Variants in YAP1 observed in about 807,000 individuals in gnomAD.
YAP1 encodes the protein transcriptional coactivator YAP1.
YAP1 carries 5 observed loss-of-function variants against 56.9 expected under a neutral mutation model. That is an observed-to-expected ratio of 0.09 (90% CI 0.05 to 0.18). The LOEUF (loss-of-function observed/expected upper bound fraction) is 0.18. YAP1 is among the 10% of genes least tolerant of loss of function. The pLI, the probability that YAP1 is intolerant of heterozygous loss-of-function variation, is 1.00. For synonymous variants in YAP1, 265 were observed against 248.1 expected, an observed-to-expected ratio of 1.07 and a Z score of -0.64; for missense variants, 539 against 651.8, an observed-to-expected ratio of 0.83 and a Z score of 1.88.
At chr11:102,200,580 C>T (rs1948800950) in intron 4 of YAP1, among the ~76,000 whole-genome samples, 1 of 150,842 alleles carries the variant, frequency 6.6e-6, no homozygotes, top group Admixed American at 6.6e-5. Flanking sequence ...GAGTAGCTGG[C>T]ATTACAGGTG....
At chr11:102,131,337 C>T (rs1258162304) in intron 2 of YAP1, among the ~76,000 whole-genome samples, 2 of 152,164 alleles carry the variant, frequency 1.3e-5, no homozygotes, top group African/African-American at 4.8e-5. Context: ...TTTTATGTAG[C>T]AGGCGTTGTT....
chr11:102,124,274 A>G (rs1943892013), intron 2 of YAP1, among the ~76,000 whole-genome samples: 1 of 152,022 alleles, frequency 6.6e-6, no homozygotes, highest in African/African-American at 2.4e-5. Flanking sequence ...TCTAGCTTCC[A>G]GTTTGCTAAT....
rs181869364 is a variant in YAP1, at chr11:102,115,171, A to G, written c.572+777A>G. On this transcript the variant is annotated intron_variant, in intron 2 of 8. Transcript: ENST00000282441. Reference sequence around the variant, plus strand: ...TTTTCTCTCCTCTGATTTTGAAATTACAGATAAGACCTCAATTTTTTTCTG... The same window carrying G: ...TTTTCTCTCCTCTGATTTTGAAATTGCAGATAAGACCTCAATTTTTTTCTG... Among the ~76,000 whole-genome samples, 233 of 152,354 alleles carry G rather than the reference A, an allele frequency of 1.5e-3. 1 individual carries two copies. Among genetic ancestry groups the G allele is most frequent in the African/African-American group, 5.5e-3 (227 of 41,580 alleles).
At chr11:102,161,693 A>G (rs1422159854) in intron 2 of YAP1, among the ~76,000 whole-genome samples, 1 of 152,178 alleles carries the variant, frequency 6.6e-6, no homozygotes, top group African/African-American at 2.4e-5. Context: ...CTTTCATTGA[A>G]ACAATGAAAC....
At chr11:102,155,152 C>T (rs1591256430) in intron 2 of YAP1, among the ~76,000 whole-genome samples, 1 of 152,216 alleles carries the variant, frequency 6.6e-6, no homozygotes, top group Middle Eastern at 3.4e-3. Context: ...ACTGTCCTGC[C>T]CTCTTTTCTG....
chr11:102,177,954 C>T (rs138977688), intron 3 of YAP1, among the ~76,000 whole-genome samples: 14 of 152,238 alleles, frequency 9.2e-5, no homozygotes, highest in Admixed American at 3.3e-4. Flanking sequence ...TATTCAAGAG[C>T]ATGATTTCTG....
rs76370103 is a variant in YAP1 at position 102,162,730 on chromosome 11, C to T, written c.688+159C>T. On this transcript the variant is annotated intron_variant, in intron 3 of 8. Transcript: ENST00000282441. ...GAAGACATAGTCTATTTTAAAATAACGTAAGCTATATTATTGCCTTGTATA... is the reference window on the plus strand; with the variant it reads ...GAAGACATAGTCTATTTTAAAATAATGTAAGCTATATTATTGCCTTGTATA... 7.5e-3 allele frequency among the ~76,000 whole-genome samples: 1,136 copies of T among 152,278 alleles called. 11 individuals carry two copies. Among genetic ancestry groups the T allele is most frequent in the African/African-American group, 0.026 (1,087 of 41,552 alleles).
At chr11:102,211,766 C>T (rs899098536) in intron 6 of YAP1, among the ~76,000 whole-genome samples, 17 of 151,730 alleles carry the variant, frequency 1.1e-4, no homozygotes, top group Non-Finnish European at 1.9e-4. Flanking sequence ...TGCAGTGGCG[C>T]AATCTCAGCT....
chr11:102,210,332 C>T (rs1437995122), intron 6 of YAP1, among the ~76,000 whole-genome samples: 4 of 152,160 alleles, frequency 2.6e-5, no homozygotes, highest in African/African-American at 9.7e-5. Flanking sequence ...AATGCCTCAC[C>T]TTCTATGTAA....
At chr11:102,161,688 A>G (rs1486176536) in intron 2 of YAP1, among the ~76,000 whole-genome samples, 1 of 152,112 alleles carries the variant, frequency 6.6e-6, no homozygotes, top group East Asian at 1.9e-4. Context: ...TTTTTCTTTC[A>G]TTGAAACAAT....
intron 1 of YAP1, 31 bp from the exon 2 acceptor site, chr11:102,114,113 T>C: frequency 6.4e-7 from 1 of 1,554,390 alleles, no homozygotes; most frequent in East Asian, 2.3e-5. Flanking sequence ...TTTTTTCTTT[T>C]TTAATTTTTC....
chr11:102,144,926 T>TCC (rs1491357587), intron 2 of YAP1, among the ~76,000 whole-genome samples: 5 of 151,888 alleles, frequency 3.3e-5, no homozygotes, highest in Admixed American at 3.3e-4. Context: ...ACTTATTCTG[T>TCC]CTCTCTCTCT....
At chr11:102,147,751 C>T (rs900428281) in intron 2 of YAP1, among the ~76,000 whole-genome samples, 1 of 152,100 alleles carries the variant, frequency 6.6e-6, no homozygotes, top group African/African-American at 2.4e-5. Context: ...ATTAAGTTAT[C>T]TTAAAACCAG....
intron 3 of YAP1, among the ~76,000 whole-genome samples, chr11:102,175,544 A>G (rs751174019): frequency 6.6e-6 from 1 of 152,208 alleles, no homozygotes; most frequent in African/African-American, 2.4e-5. Context: ...AATGACTGGG[A>G]TAAGTTCTGA....
Position 102,229,919 on chromosome 11 carries a change from A to C in YAP1, c.1494A>C (p.Glu498Asp). 1 of 1,614,120 alleles carries C rather than the reference A, an allele frequency of 6.2e-7. No homozygotes were observed. The highest frequency in any genetic ancestry group is 8.5e-7 in the Non-Finnish European group (1 of 1,179,940). The change falls in exon 9 of 9, where the codon GAA becomes GAC. Residue 498 changes from glutamate to aspartate, a missense_variant. This residue lies in a region of YAP1 where 12 missense variants were observed against 31.2 expected (regional missense o/e 0.38). Transcript: ENST00000282441. ...SVLAATKLDK[E>D]SFLTWL ...TGGCTGCCACCAAGCTAGATAAAGAAAGCTTTCTTACATGGTTATAGAGCC... is the reference window on the plus strand; with the variant it reads ...TGGCTGCCACCAAGCTAGATAAAGACAGCTTTCTTACATGGTTATAGAGCC...
intron 1 of YAP1, 93 bp from the exon 2 acceptor site, chr11:102,114,042 GTACTTAGAT>G: frequency 7.8e-7 from 1 of 1,287,806 alleles, no homozygotes; most frequent in Non-Finnish European, 1.0e-6. Context: ...TTTTCCTTTG[GTACTTAGAT>G]ATTCGGCTGC....
chr11:102,151,986 A>C (rs1267687559), intron 2 of YAP1, among the ~76,000 whole-genome samples: 4 of 152,172 alleles, frequency 2.6e-5, no homozygotes. Context: ...AACCTTATTG[A>C]ACACAGCTGT....
intron 3 of YAP1, among the ~76,000 whole-genome samples, chr11:102,176,741 G>A (rs12793501): frequency 0.47 from 32,802 of 69,408 alleles, 5,262 homozygotes; most frequent in East Asian, 0.57. Flanking sequence ...GTAAGACTCC[G>A]TCTCAAAAAA....
chr11:102,166,654 C>T (rs1029837834), intron 3 of YAP1, among the ~76,000 whole-genome samples: 4 of 152,184 alleles, frequency 2.6e-5, no homozygotes, highest in African/African-American at 7.2e-5. Context: ...TCTGCTAACC[C>T]GAAGCCTTCA....
Sources: gnomAD v4.1 joint callset for allele counts (sites outside exome capture counted in the v4.1 genomes callset) on GRCh38, gnomAD v4.1.1 for gene constraint, gnomAD v4.1.1 regional missense constraint, MANE v1.5 for transcripts, NCBI Gene and HGNC (gene_info 2026-07-23, HGNC 2026-07-21) for gene names.